Variants in LIFR observed in about 807,000 individuals in gnomAD.
The protein encoded by LIFR is LIF receptor subunit alpha.
LIFR carries 84 observed loss-of-function variants against 122.2 expected under a neutral mutation model. The ratio of observed to expected loss-of-function variants is 0.69; its 90% CI spans 0.58 to 0.82. The LOEUF (loss-of-function observed/expected upper bound fraction) is 0.82. Ranked by LOEUF, LIFR falls within the 40% of genes least tolerant of loss-of-function variation. The pLI is 0.00. For synonymous variants in LIFR, 422 were observed against 434.7 expected (o/e 0.97, Z 0.36); for missense variants, 1,294 against 1,311.6 (o/e 0.99, Z 0.21).
chr5:38,493,994 T>C (rs1018725381), intron 13 of LIFR, among the ~76,000 whole-genome samples: 1 of 152,132 alleles, frequency 6.6e-6, no homozygotes, highest in African/African-American at 2.4e-5. Flanking sequence ...ATACATAGAT[T>C]AACACAGCAG....
intron 13 of LIFR, among the ~76,000 whole-genome samples, chr5:38,494,441 G>A (rs1009196332): frequency 7.2e-6 from 1 of 138,138 alleles, no homozygotes; most frequent in African/African-American, 2.6e-5. Flanking sequence ...CGTCCTAGGA[G>A]ACACCAAGGG....
chr5:38,480,848 T>C lies in LIFR; in HGVS notation c.*747A>G, dbSNP rs2112350297. On this transcript the variant is annotated 3_prime_UTR_variant, in exon 20 of 20. Transcript: ENST00000453190. ...ATATTAGGGCAACCAACTGAAATAA[T>C]GGAAGCAAGCATAAAAGCTAAAAAA... The C allele has an allele frequency of 9.2e-6, 2 of 217,312 alleles. No individual in the cohort carries two copies. The highest frequency in any genetic ancestry group is 1.9e-5 in the Non-Finnish European group (2 of 107,952). 13.5% of individuals were successfully genotyped at this position (217,312 alleles called of 1,614,324 possible).
At chr5:38,506,189 C>T in intron 8 of LIFR, 115 bp from the exon 9 acceptor site, 1 of 691,420 alleles carries the variant, frequency 1.4e-6, no homozygotes, top group Non-Finnish European at 2.4e-6. Context: ...TAATTAGAAG[C>T]ATATTACATA....
intron 5 of LIFR, among the ~76,000 whole-genome samples, chr5:38,515,270 AC>A (rs1746012224): frequency 6.6e-6 from 1 of 152,132 alleles, no homozygotes; most frequent in Admixed American, 6.5e-5. Context: ...TCTGTGCTAT[AC>A]AAATATTATC....
intron 16 of LIFR, among the ~76,000 whole-genome samples, chr5:38,486,648 C>T (rs1744299516): frequency 6.6e-6 from 1 of 152,136 alleles, no homozygotes; most frequent in Non-Finnish European, 1.5e-5. Flanking sequence ...CCCCTCGCCC[C>T]CTACAACCAC....
chr5:38,475,472 GA>G lies in LIFR; in HGVS notation c.*6122del. 3 of 196,616 alleles carry G rather than the reference GA, an allele frequency of 1.5e-5. No individual in the cohort carries two copies. The highest frequency in any genetic ancestry group is 3.2e-5 in the Non-Finnish European group (3 of 94,514). The allele number at this position is 196,616 out of a possible 1,614,324, so 12.2% of individuals were successfully genotyped here. A position where few individuals can be genotyped will look rare whatever the true frequency, so the allele number is the denominator to read the frequency against. On this transcript the variant is annotated 3_prime_UTR_variant, in exon 20 of 20. Coordinates refer to ENST00000453190, the MANE Select transcript of LIFR (RefSeq NM_001127671.2). ...CTGTAGTGGTAACATTTCAAGAAATGAAAAAGGGAACAGTTTGGGATCCGCA... is the reference window on the plus strand; with the variant it reads ...CTGTAGTGGTAACATTTCAAGAAATGAAAAGGGAACAGTTTGGGATCCGCA...
At chr5:38,595,874 A>T (rs1580247929), upstream of LIFR, among the ~76,000 whole-genome samples, 1 of 5,002 alleles carries the variant, frequency 2.0e-4, no homozygotes, top group Admixed American at 1.3e-3. Flanking sequence ...CTGGGACTAC[A>T]AGGCGCCCGC....
intron 16 of LIFR, among the ~76,000 whole-genome samples, chr5:38,486,928 A>G (rs1039206587): frequency 6.6e-6 from 1 of 152,170 alleles, no homozygotes; most frequent in Admixed American, 6.5e-5. Flanking sequence ...TGGTGTCATC[A>G]TGTTTCCTAT....
rs1402097818 is a variant in LIFR at position 38,478,686 on chromosome 5, G to A, written c.*2909C>T. ...AGCCCCATAATGATCTCCATTCCTC[G>A]CAAGGGAAGCTTGATTTGAAACTGG... On this transcript the variant is annotated 3_prime_UTR_variant, in exon 20 of 20. Coordinates refer to ENST00000453190, the MANE Select transcript of LIFR (RefSeq NM_001127671.2). 2 of 203,332 alleles carry A rather than the reference G, an allele frequency of 9.8e-6. No individual in the cohort carries two copies. Among genetic ancestry groups the A allele is most frequent in the East Asian group, 7.5e-5 (1 of 13,290 alleles). The allele number at this position is 203,332 out of a possible 1,614,324, so 12.6% of individuals were successfully genotyped here.
Position 38,478,970 on chromosome 5 carries a change from C to T in LIFR, c.*2625G>A, listed in dbSNP as rs950051250. On this transcript the variant is annotated 3_prime_UTR_variant, in exon 20 of 20. Coordinates refer to ENST00000453190, the MANE Select transcript of LIFR (RefSeq NM_001127671.2). ...AAGCCACGAATCTAACTGGACAGAG[C>T]ACAATCAGTATGAGACCACCTTGTA... 2 of 230,356 alleles carry T rather than the reference C, an allele frequency of 8.7e-6. No homozygotes were observed. Among genetic ancestry groups the T allele is most frequent in the Admixed American group, 1.1e-4 (2 of 17,672 alleles). The allele number at this position is 230,356 out of a possible 1,614,324, so 14.3% of individuals were successfully genotyped here.
At chr5:38,546,311 T>C (rs1747891064) in intron 1 of LIFR, among the ~76,000 whole-genome samples, 1 of 152,098 alleles carries the variant, frequency 6.6e-6, no homozygotes, top group East Asian at 1.9e-4. Flanking sequence ...CTGAACTATA[T>C]GAAAAAAGTG....
chr5:38,488,530 C>T (rs548918892), intron 16 of LIFR, among the ~76,000 whole-genome samples: 2 of 152,294 alleles, frequency 1.3e-5, no homozygotes, highest in African/African-American at 4.8e-5. Flanking sequence ...ATTTGTAAAT[C>T]TGAGAATTCT....
rs1749617319 is a variant in LIFR, at chr5:38,582,421, C to G, written c.-20+12840G>C. 2.0e-5 allele frequency among the ~76,000 whole-genome samples: 3 copies of G among 152,132 alleles called. No homozygotes were observed. In the South Asian group the frequency reaches 6.2e-4, roughly 31 times the overall value. ...CTCAGTTTGGTTTTTTCTCCATGTT[C>G]ACTAAATACTTACATCGTTTTCTTA... is the stretch of plus-strand genomic sequence containing the variant. On this transcript the variant is annotated intron_variant, in intron 1 of 19. Transcript: ENST00000263409.
At chr5:38,526,308 C>T in intron 4 of LIFR, among the ~76,000 whole-genome samples, 1 of 152,094 alleles carries the variant, frequency 6.6e-6, no homozygotes. Flanking sequence ...ACAGGACCCA[C>T]ATTCTGCTTC....
At chr5:38,503,801 A>G (rs1010356800) in intron 10 of LIFR, among the ~76,000 whole-genome samples, 175 bp downstream of exon 10, 3 of 152,212 alleles carry the variant, frequency 2.0e-5, no homozygotes, top group African/African-American at 7.2e-5. Flanking sequence ...CATATTTACA[A>G]TTGTTTTTCA....
intron 2 of LIFR, among the ~76,000 whole-genome samples, chr5:38,600,659 T>G: frequency 6.6e-6 from 1 of 152,224 alleles, no homozygotes; most frequent in East Asian, 1.9e-4. Context: ...GAATATTACT[T>G]TCAGCCTCCC....
chr5:38,601,338 G>A (rs1750219058), intron 2 of LIFR, among the ~76,000 whole-genome samples: 2 of 152,304 alleles, frequency 1.3e-5, no homozygotes, highest in South Asian at 4.1e-4. Context: ...GAAATAAAAT[G>A]TCTGTTGCTT....
At position 38,477,979 on chromosome 5, in the gene LIFR, C is replaced by G. The variant is rs955717410; in HGVS notation, c.*3616G>C. 9.5e-6 allele frequency: 2 copies of G among 211,586 alleles called. No individual in the cohort carries two copies. The highest frequency in any genetic ancestry group is 4.5e-5 in the African/African-American group (2 of 44,084). The allele number at this position is 211,586 out of a possible 1,614,324, so 13.1% of individuals were successfully genotyped here. ...CAAAAAATTTTATTAGATTATATAC[C>G]TGAGCAATAGAAAACTTCGAGATAA... is the stretch of plus-strand genomic sequence containing the variant. On this transcript the variant is annotated 3_prime_UTR_variant, in exon 20 of 20. Transcript: ENST00000453190.
Position 38,489,257 on chromosome 5 carries a change from A to G in LIFR, c.2168-12T>C. The G allele has an allele frequency of 6.2e-7, 1 of 1,607,450 alleles. No homozygotes were observed. Among genetic ancestry groups the G allele is most frequent in the South Asian group, 1.1e-5 (1 of 90,918 alleles). On this transcript the variant is annotated splice_polypyrimidine_tract_variant and intron_variant, in intron 15 of 19. Transcript: ENST00000453190. ...TGCAACAATGGGAGCTGTAAAAGGA[A>G]AAAGTCAATTGCTAAAGGGGAGTGT...
Sources: gnomAD v4.1 joint callset for allele counts (sites outside exome capture counted in the v4.1 genomes callset) on GRCh38, gnomAD v4.1.1 for gene constraint, MANE v1.5 for transcripts, NCBI Gene and HGNC (gene_info 2026-07-23, HGNC 2026-07-21) for gene names.